The following GALNT17 variants were observed in gnomAD, a reference collection of about 807,000 sequenced individuals.
GALNT17 encodes UDP-GalNAc:polypeptide N-acetylgalactosaminyltransferase-like 3.
GALNT17 carries 29 observed loss-of-function variants against 63.7 expected under a neutral mutation model. The ratio of observed to expected loss-of-function variants is 0.46; its 90% CI spans 0.34 to 0.62. The LOEUF (loss-of-function observed/expected upper bound fraction) is 0.62. GALNT17 is among the 20% of genes least tolerant of loss of function. The pLI, the probability that GALNT17 is intolerant of heterozygous loss-of-function variation, is 0.01. For missense variants in GALNT17, 603 were observed against 799.6 expected (o/e 0.75, Z 2.97); for synonymous variants, 305 against 318.3 (o/e 0.96, Z 0.45).
At position 71,431,603 on chromosome 7, in the gene GALNT17, G is replaced by T. The variant is rs182958022; in HGVS notation, c.962+10498G>T. ...CGTCACACACCTGGTAAGAAGTGGA[G>T]CTGGGATTCGGATGTAGTCAGGCCC... On this transcript the variant is annotated intron_variant, in intron 5 of 10. Coordinates refer to ENST00000333538, the MANE Select transcript of GALNT17 (RefSeq NM_022479.3). 2.0e-3 allele frequency among the ~76,000 whole-genome samples: 306 copies of T among 152,256 alleles called. 3 individuals are homozygous for T. The highest frequency in any genetic ancestry group is 7.0e-3 in the African/African-American group (291 of 41,544).
At chr7:71,361,804 G>C (rs532760922) in intron 2 of GALNT17, among the ~76,000 whole-genome samples, 2 of 152,086 alleles carry the variant, frequency 1.3e-5, no homozygotes, top group East Asian at 3.9e-4. Context: ...GAGAGAGAGA[G>C]AGACAGAGAG....
intron 5 of GALNT17, among the ~76,000 whole-genome samples, chr7:71,459,910 T>A (rs1158253577): frequency 6.6e-6 from 1 of 152,232 alleles, no homozygotes; most frequent in Admixed American, 6.5e-5. Flanking sequence ...ATTTCCTTTC[T>A]ATTAACCCCA....
intron 5 of GALNT17, among the ~76,000 whole-genome samples, chr7:71,421,655 GA>G (rs1786667101): frequency 6.6e-6 from 1 of 152,104 alleles, no homozygotes; most frequent in Non-Finnish European, 1.5e-5. Context: ...AACTCAAATA[GA>G]AAGGAGGTTG....
intron 6 of GALNT17, among the ~76,000 whole-genome samples, chr7:71,631,692 A>G (rs1369272487): frequency 6.6e-6 from 1 of 152,172 alleles, no homozygotes; most frequent in African/African-American, 2.4e-5. Flanking sequence ...AAGGAGGAGG[A>G]TGAACCATTT....
intron 5 of GALNT17, among the ~76,000 whole-genome samples, chr7:71,569,329 G>A (rs1262262736): frequency 2.6e-5 from 4 of 151,978 alleles, no homozygotes; most frequent in Non-Finnish European, 5.9e-5. Context: ...TTGTTACATG[G>A]GTATATTGAG....
chr7:71,239,298 C>CA (rs1554343112), intron 1 of GALNT17, among the ~76,000 whole-genome samples: 8 of 136,244 alleles, frequency 5.9e-5, no homozygotes, highest in South Asian at 2.2e-4. Context: ...TGTCTGTACC[C>CA]CCCCCCAAAA....
chr7:71,364,592 G>T (rs17143419), intron 2 of GALNT17, among the ~76,000 whole-genome samples: 14,548 of 152,176 alleles, frequency 0.096, 707 homozygotes, highest in African/African-American at 0.13. Flanking sequence ...TTTTTCATTA[G>T]AACCCGTTTT....
chr7:71,577,434 C>A (rs1432231190), intron 6 of GALNT17, among the ~76,000 whole-genome samples: 1 of 152,112 alleles, frequency 6.6e-6, no homozygotes, highest in Non-Finnish European at 1.5e-5. Flanking sequence ...CAAACACACG[C>A]ACACACACGC....
At chr7:71,385,988 G>A (rs1792935719) in intron 2 of GALNT17, among the ~76,000 whole-genome samples, 1 of 152,218 alleles carries the variant, frequency 6.6e-6, no homozygotes, top group Non-Finnish European at 1.5e-5. Flanking sequence ...GATCACCTCA[G>A]GCCAGGAGTT....
intron 6 of GALNT17, among the ~76,000 whole-genome samples, chr7:71,665,015 T>C (rs1790962916): frequency 6.6e-6 from 1 of 152,182 alleles, no homozygotes; most frequent in Non-Finnish European, 1.5e-5. Flanking sequence ...TTTTGCCCTG[T>C]CACCCAGGCT....
intron 5 of GALNT17, among the ~76,000 whole-genome samples, chr7:71,538,822 G>A (rs111673379): frequency 3.3e-5 from 5 of 151,968 alleles, no homozygotes; most frequent in East Asian, 1.9e-4. Context: ...AGGGAAGGAC[G>A]GACAGTTGGA....
intron 1 of GALNT17, among the ~76,000 whole-genome samples, chr7:71,228,346 C>T (rs1469846114): frequency 6.6e-6 from 1 of 152,214 alleles, no homozygotes; most frequent in Non-Finnish European, 1.5e-5. Flanking sequence ...TCCACCTCCA[C>T]TCAGCTCAGG....
At chr7:71,337,579 C>T (rs1286979317) in intron 2 of GALNT17, among the ~76,000 whole-genome samples, 1 of 152,038 alleles carries the variant, frequency 6.6e-6, no homozygotes, top group Non-Finnish European at 1.5e-5. Flanking sequence ...TTTTAAAAAG[C>T]GTGAGGCTGG....
intron 4 of GALNT17, among the ~76,000 whole-genome samples, chr7:71,418,649 T>G (rs1308413373): frequency 1.3e-5 from 2 of 152,188 alleles, no homozygotes; most frequent in East Asian, 3.8e-4. Flanking sequence ...ATGTCCAAGT[T>G]AAATGGGAAT....
chr7:71,482,077 GTATA>G (rs747352627), intron 5 of GALNT17, among the ~76,000 whole-genome samples: 114 of 140,402 alleles, frequency 8.1e-4, no homozygotes, highest in African/African-American at 3.1e-3. Context: ...ATACATATAT[GTATA>G]TGTGTGTGTG....
chr7:71,648,816 G>A (rs141732306), intron 6 of GALNT17, among the ~76,000 whole-genome samples: 152 of 152,282 alleles, frequency 1.0e-3, no homozygotes, highest in Non-Finnish European at 1.6e-3. Flanking sequence ...AGCCTCAATT[G>A]TGGGCAACTC....
At chr7:71,549,117 T>G (rs1334861475) in intron 5 of GALNT17, among the ~76,000 whole-genome samples, 1 of 152,048 alleles carries the variant, frequency 6.6e-6, no homozygotes, top group Non-Finnish European at 1.5e-5. Flanking sequence ...GATGATAGAG[T>G]CCACGTTTCA....
intron 5 of GALNT17, among the ~76,000 whole-genome samples, chr7:71,465,356 A>G (rs558550501): frequency 3.0e-4 from 45 of 152,306 alleles, no homozygotes; most frequent in Admixed American, 9.2e-4. Context: ...AACCTAAAAG[A>G]TATCACCCTT....
chr7:71,666,389 G>A (rs1482940815), intron 7 of GALNT17, among the ~76,000 whole-genome samples: 1 of 148,806 alleles, frequency 6.7e-6, no homozygotes, highest in African/African-American at 2.5e-5. Context: ...TTTTTTTATG[G>A]CAGCACAAAA....
Sources: gnomAD v4.1 joint callset for allele counts (sites outside exome capture counted in the v4.1 genomes callset) on GRCh38, gnomAD v4.1.1 for gene constraint, MANE v1.5 for transcripts, NCBI Gene and HGNC (gene_info 2026-07-23, HGNC 2026-07-21) for gene names.